TRPM3: variants seen among roughly 807,000 people sequenced by gnomAD.
The protein encoded by TRPM3 is long transient receptor potential channel 3.
Under a neutral mutation model 181.2 loss-of-function variants are expected in TRPM3, and 77 were observed. The ratio of observed to expected loss-of-function variants is 0.42; its 90% CI spans 0.35 to 0.51. The LOEUF is 0.51. Ranked by LOEUF, TRPM3 falls within the 20% of genes least tolerant of loss-of-function variation. TRPM3 has a pLI of 0.01. For synonymous variants in TRPM3, 745 were observed against 796.4 expected (o/e 0.94, Z 1.09); for missense variants, 1,759 against 2,196.7 (o/e 0.80, Z 3.98).
intron 6 of TRPM3, among the ~76,000 whole-genome samples, chr9:70,814,446 G>C (rs2092478002): frequency 6.6e-6 from 1 of 152,070 alleles, no homozygotes. Context: ...TAGTATATCT[G>C]GCTACAGCTA....
At chr9:71,126,412 T>C (rs2074034233), upstream of TRPM3, among the ~76,000 whole-genome samples, 1 of 152,184 alleles carries the variant, frequency 6.6e-6, no homozygotes, top group Non-Finnish European at 1.5e-5. Context: ...TCAAAAAACA[T>C]ACTTTCCTGG....
At chr9:71,429,432 G>A (rs117207306) in intron 1 of TRPM3, among the ~76,000 whole-genome samples, 4 of 152,116 alleles carry the variant, frequency 2.6e-5, no homozygotes, top group Admixed American at 1.3e-4. Context: ...CAATGAGGTT[G>A]TCATAAGAAA....
At chr9:71,332,367 T>A (rs931667836) in intron 1 of TRPM3, among the ~76,000 whole-genome samples, 1 of 139,014 alleles carries the variant, frequency 7.2e-6, no homozygotes, top group African/African-American at 2.9e-5. Context: ...TCAGTGGTTT[T>A]CAATGTTGGG....
chr9:71,289,875 CA>C (rs71352367), intron 1 of TRPM3, among the ~76,000 whole-genome samples: 1,237 of 39,676 alleles, frequency 0.031, 38 homozygotes, highest in African/African-American at 0.079. Context: ...GACTCTGTCT[CA>C]AAAAAAAAAA....
intron 1 of TRPM3, among the ~76,000 whole-genome samples, chr9:71,283,505 C>A (rs532967173): frequency 6.6e-6 from 1 of 152,066 alleles, no homozygotes; most frequent in Admixed American, 6.6e-5. Flanking sequence ...GGGGTTTCAC[C>A]GTGTTAGCCA....
intron 1 of TRPM3, among the ~76,000 whole-genome samples, chr9:71,412,853 G>A (rs939013955): frequency 1.3e-5 from 2 of 152,136 alleles, no homozygotes; most frequent in South Asian, 2.1e-4. Context: ...CAACCCAAAT[G>A]TCCATCAATG....
At chr9:71,019,692 T>C (rs1225467444) in intron 1 of TRPM3, among the ~76,000 whole-genome samples, 1 of 152,130 alleles carries the variant, frequency 6.6e-6, no homozygotes, top group East Asian at 1.9e-4. Context: ...CAGAATCCCA[T>C]TCCCAAGAGG....
intron 6 of TRPM3, among the ~76,000 whole-genome samples, chr9:70,785,418 T>C (rs141034226): frequency 5.9e-5 from 9 of 152,324 alleles, no homozygotes; most frequent in African/African-American, 2.2e-4. Flanking sequence ...TCACATTGTA[T>C]TTTTTCTCTC....
At chr9:70,604,941 C>T (rs2132826792) in intron 19 of TRPM3, among the ~76,000 whole-genome samples, 1 of 140,198 alleles carries the variant, frequency 7.1e-6, no homozygotes, top group East Asian at 2.2e-4. Flanking sequence ...CATGAGCCAC[C>T]ATGCTCAGCT....
chr9:71,262,076 C>G (rs1006599947), intron 1 of TRPM3, among the ~76,000 whole-genome samples: 1 of 152,202 alleles, frequency 6.6e-6, no homozygotes, highest in Non-Finnish European at 1.5e-5. Context: ...CAGGCTGGAA[C>G]GTTTAAGTCT....
chr9:70,592,550 C>T (rs1670726491), intron 21 of TRPM3, among the ~76,000 whole-genome samples: 2 of 152,116 alleles, frequency 1.3e-5, no homozygotes, highest in Non-Finnish European at 2.9e-5. Flanking sequence ...CAATATATCC[C>T]TTCTAGGCTT....
At chr9:70,836,401 T>A (rs1589051113) in intron 5 of TRPM3, among the ~76,000 whole-genome samples, 1 of 151,998 alleles carries the variant, frequency 6.6e-6, no homozygotes, top group African/African-American at 2.4e-5. Flanking sequence ...CTCTAAGAGG[T>A]CTCTGCCAAC....
intron 1 of TRPM3, among the ~76,000 whole-genome samples, chr9:71,433,940 G>A (rs568311935): frequency 6.6e-6 from 1 of 152,166 alleles, no homozygotes; most frequent in African/African-American, 2.4e-5. Flanking sequence ...CAGATCACAT[G>A]AGGTCAGGAG....
intron 1 of TRPM3, among the ~76,000 whole-genome samples, chr9:71,374,957 G>T (rs1285934720): frequency 6.6e-6 from 1 of 152,080 alleles, no homozygotes. Context: ...AAAAACAAAT[G>T]GAAAAACATT....
chr9:70,840,739 T>C (rs915755230), intron 5 of TRPM3, among the ~76,000 whole-genome samples: 3 of 152,186 alleles, frequency 2.0e-5, no homozygotes, highest in Non-Finnish European at 4.4e-5. Flanking sequence ...ATAGAATTAC[T>C]GTCTTTCTGC....
intron 6 of TRPM3, among the ~76,000 whole-genome samples, chr9:70,794,964 A>G (rs1328156): frequency 0.53 from 80,722 of 152,102 alleles, 22,177 homozygotes; most frequent in Non-Finnish European, 0.6. Context: ...AATTATTCCT[A>G]TACTGAATAC....
At chr9:70,617,949 A>T (rs1325275192) in intron 17 of TRPM3, among the ~76,000 whole-genome samples, 2 of 152,202 alleles carry the variant, frequency 1.3e-5, no homozygotes, top group African/African-American at 4.8e-5. Context: ...TGGGTGACAG[A>T]GCAAGACCTT....
intron 21 of TRPM3, among the ~76,000 whole-genome samples, chr9:70,591,682 G>A (rs180815406): frequency 6.6e-6 from 1 of 152,284 alleles, no homozygotes; most frequent in East Asian, 1.9e-4. Context: ...TCTAAGTTCT[G>A]AAAGGCTAAT....
chr9:70,896,567 T>C (rs1589613552), intron 1 of TRPM3, among the ~76,000 whole-genome samples: 1 of 152,250 alleles, frequency 6.6e-6, no homozygotes, highest in Middle Eastern at 3.4e-3. Flanking sequence ...GTGTGAATTA[T>C]TGTACAAAAA....
Sources: gnomAD v4.1 joint callset for allele counts (sites outside exome capture counted in the v4.1 genomes callset) on GRCh38, gnomAD v4.1.1 for gene constraint, MANE v1.5 for transcripts, NCBI Gene and HGNC (gene_info 2026-07-23, HGNC 2026-07-21) for gene names.